The following SMARCD3 variants were observed in gnomAD, a reference collection of about 807,000 sequenced individuals.
The protein encoded by SMARCD3 is SWI/SNF related BAF chromatin remodeling complex subunit D3.
SMARCD3 carries 14 observed loss-of-function variants against 58.0 expected under a neutral mutation model. That is an observed-to-expected ratio of 0.24 (90% confidence interval 0.16 to 0.38). The LOEUF (loss-of-function observed/expected upper bound fraction) is 0.38. Ranked by LOEUF, SMARCD3 falls within the 10% of genes least tolerant of loss-of-function variation. The probability of loss-of-function intolerance (pLI) is 1.00; values close to 1 mark genes in which losing one functional copy is unlikely to be tolerated. For missense variants in SMARCD3, 408 were observed against 636.9 expected (o/e 0.64, Z 3.87); for synonymous variants, 253 against 253.8 (o/e 1.00, Z 0.03).
intron 1 of SMARCD3, among the ~76,000 whole-genome samples, chr7:151,276,243 G>C (rs1795337681): frequency 6.6e-6 from 1 of 151,826 alleles, no homozygotes; most frequent in South Asian, 2.1e-4. Context: ...GACAGAGAAG[G>C]TGCCAGGCAG....
At position 151,239,105 on chromosome 7, in the gene SMARCD3, A is replaced by G; in HGVS notation, c.1450T>C (p.Ter484GlnextTer?). The change falls in exon 13 of 13, where the codon TAG becomes CAG. Residue 484 changes from the stop codon to glutamine, a stop_lost. Coordinates refer to ENST00000262188, the MANE Select transcript of SMARCD3 (RefSeq NM_001003801.2). The surrounding 1 kb of genome is among the most constrained non-coding windows in gnomAD (Gnocchi z 7.0). ...TCGTGCTGCTTATTTTTGGGCTCCT[A>G]GGTGTTGCGCACAACCAGCGACTGC... ...LEQSLVVRNT[*>Q] 1 of 1,614,060 alleles carries G rather than the reference A, an allele frequency of 6.2e-7. No individual in the cohort carries two copies. The highest frequency in any genetic ancestry group is 2.2e-5 in the East Asian group (1 of 44,872).
chr7:151,243,625 G>A lies in SMARCD3; in HGVS notation c.333+34C>T, dbSNP rs758739032. ...GGAGGGCGGAGCAGCAAAGGGTGGGGGGTGGGCTGGGGGCTGCTGTGAAAG... is the reference window on the plus strand; with the variant it reads ...GGAGGGCGGAGCAGCAAAGGGTGGGAGGTGGGCTGGGGGCTGCTGTGAAAG... On this transcript the variant is annotated intron_variant, in intron 3 of 12. Transcript: ENST00000262188. The surrounding 1 kb of genome is among the most constrained non-coding windows in gnomAD (Gnocchi z 4.4). 2.2e-5 allele frequency: 26 copies of A among 1,187,702 alleles called. No individual in the cohort carries two copies. The highest frequency in any genetic ancestry group is 2.8e-5 in the Non-Finnish European group (22 of 792,256). The allele number at this position is 1,187,702 out of a possible 1,614,324, so 73.6% of individuals were successfully genotyped here.
At chr7:151,248,794 A>G, upstream of SMARCD3, 3 of 632,972 alleles carry the variant, frequency 4.7e-6, no homozygotes, top group Non-Finnish European at 6.1e-6. The surrounding 1 kb of genome is among the most constrained non-coding windows in gnomAD (Gnocchi z 6.1). Flanking sequence ...GCATTCCTGC[A>G]CTGATAAGAC....
Position 151,239,822 on chromosome 7 carries a change from AG to A in SMARCD3, c.1174-77del, listed in dbSNP as rs1802866138. 2.2e-6 allele frequency: 2 copies of A among 907,468 alleles called. No homozygotes were observed. The highest frequency in any genetic ancestry group is 3.2e-5 in the East Asian group (1 of 30,996). 56.2% of individuals were successfully genotyped at this position (907,468 alleles called of 1,614,324 possible). On this transcript the variant is annotated intron_variant, in intron 10 of 12. Transcript: ENST00000262188. This position sits in a 1 kb window ranked among gnomAD's most constrained non-coding sequence, Gnocchi z 7.0. ...ACGAGGGGAAAGGAAGCGGGTGGGA[AG>A]GGGAGGGAGAGGGGGTTTCTTCTGT...
Position 151,256,568 on chromosome 7 carries a change from A to G in SMARCD3, c.40-10897T>C, listed in dbSNP as rs116471993. ...TGAATGTGGCCAGAGAAAGACACAC[A>G]GCCACCCCACCCGGTCTCATTGTGG... On this transcript the variant is annotated intron_variant, in intron 2 of 13. Coordinates refer to the SMARCD3 transcript ENST00000356800. Among the ~76,000 whole-genome samples, 656 of 152,208 alleles carry G rather than the reference A, an allele frequency of 4.3e-3. 10 individuals carry two copies. The highest frequency in any genetic ancestry group is 0.015 in the African/African-American group (631 of 41,538).
intron 2 of SMARCD3, among the ~76,000 whole-genome samples, chr7:151,255,884 C>CT (rs34508011): frequency 0.079 from 11,542 of 145,358 alleles, 579 homozygotes; most frequent in Non-Finnish European, 0.11. Flanking sequence ...CTTGCATGTA[C>CT]TTTTTTTTTT....
chr7:151,264,152 G>A (rs1304070298), intron 2 of SMARCD3, among the ~76,000 whole-genome samples: 4 of 150,064 alleles, frequency 2.7e-5, no homozygotes, highest in Non-Finnish European at 5.9e-5. Flanking sequence ...TCTGCCTCCC[G>A]GGTTCAAGCG....
At chr7:151,251,778 T>C (rs1157360728), upstream of SMARCD3, among the ~76,000 whole-genome samples, 1 of 151,588 alleles carries the variant, frequency 6.6e-6, no homozygotes, top group African/African-American at 2.4e-5. Flanking sequence ...CTTCCCTCGC[T>C]GAAGCACCAC....
chr7:151,239,614 C>T lies in SMARCD3; in HGVS notation c.1296+10G>A, dbSNP rs1328347534. The T allele has an allele frequency of 6.2e-7, 1 of 1,613,964 alleles. No individual in the cohort carries two copies. The highest frequency in any genetic ancestry group is 1.7e-5 in the Admixed American group (1 of 59,998). On this transcript the variant is annotated intron_variant, in intron 11 of 12. Coordinates refer to ENST00000262188, the MANE Select transcript of SMARCD3 (RefSeq NM_001003801.2). The surrounding 1 kb of genome is among the most constrained non-coding windows in gnomAD (Gnocchi z 7.0). ...TTCCACTCCAGTACTCCCTGAGTCTCCCTCTTCACCTTGAGGTCCCGGCTC... is the reference window on the plus strand; with the variant it reads ...TTCCACTCCAGTACTCCCTGAGTCTTCCTCTTCACCTTGAGGTCCCGGCTC...
At position 151,260,563 on chromosome 7, in the gene SMARCD3, A is replaced by T. The variant is rs545169184; in HGVS notation, c.39+14551T>A. Among the ~76,000 whole-genome samples, 5 of 152,262 alleles carry T rather than the reference A, an allele frequency of 3.3e-5. No homozygotes were observed. The East Asian group carries it at 9.7e-4, about 29-fold the overall frequency. On this transcript the variant is annotated intron_variant, in intron 2 of 13. Transcript: ENST00000356800. ...TGCTCCTCTGGCTTCTGTGGTCCTC[A>T]CAACCAAGTGTAACTCCTGTGCGAC...
chr7:151,240,693 A>G (rs1802939783), intron 8 of SMARCD3, 171 bp from the exon 9 acceptor site: 1 of 458,894 alleles, frequency 2.2e-6, no homozygotes, highest in East Asian at 4.2e-5. Context: ...AGCCACCGGT[A>G]TGGCTGACAA....
rs371101131 is a variant in SMARCD3 at position 151,246,591 on chromosome 7, CA to C, written c.79-921del. ...CTTCCTGTCTGCCCAGGTCAGCAGC[CA>C]CCTCCTCCTCTTCCCATCCCCACCC... On this transcript the variant is annotated intron_variant, in intron 1 of 12. Transcript: ENST00000262188. The surrounding 1 kb of genome is among the most constrained non-coding windows in gnomAD (Gnocchi z 4.4). 1.2e-3 allele frequency among the ~76,000 whole-genome samples: 180 copies of C among 152,270 alleles called. 1 individual carries two copies. In the South Asian group the frequency reaches 0.024, roughly 20 times the overall value.
upstream of SMARCD3, among the ~76,000 whole-genome samples, chr7:151,250,393 C>T (rs928761940): frequency 6.6e-6 from 1 of 151,862 alleles, no homozygotes; most frequent in African/African-American, 2.4e-5. Flanking sequence ...GGGTGGCCTG[C>T]CTCTGTCTGC....
rs763273600 is a variant in SMARCD3 at position 151,243,659 on chromosome 7, C to T, written c.333G>A (p.Arg111=). The T allele has an allele frequency of 6.2e-7, 1 of 1,603,138 alleles. No homozygotes were observed. The highest frequency in any genetic ancestry group is 8.5e-7 in the Non-Finnish European group (1 of 1,170,146). Residue 111 remains arginine (R), a splice_region_variant and synonymous_variant, in exon 3 of 13, where the codon AGG becomes AGA. Coordinates refer to ENST00000262188, the MANE Select transcript of SMARCD3 (RefSeq NM_001003801.2). This position sits in a 1 kb window ranked among gnomAD's most constrained non-coding sequence, Gnocchi z 4.4. ...RKMADKILPQ[R]IRELVPESQA... is the part of the protein sequence containing the mutation. The stretch of plus-strand genomic sequence containing the variant: ...GGGGGCTGCTGTGAAAGGCACTCAC[C>T]CTTTGAGGGAGGATTTTGTCAGCCA...
At chr7:151,271,758 CTAGGAAA>C (rs1341106503) in intron 2 of SMARCD3, among the ~76,000 whole-genome samples, 6 of 151,922 alleles carry the variant, frequency 3.9e-5, no homozygotes, top group Non-Finnish European at 8.8e-5. Context: ...TGAGACCAGC[CTAGGAAA>C]TATAGTGAGA....
At position 151,242,157 on chromosome 7, in the gene SMARCD3, G is replaced by A; in HGVS notation, c.655C>T (p.Pro219Ser). ...CTTACCTCAACGAGGTGGTTGTCAG[G>A]GCCATAAAGATCTTTGTCCAGCTCG... ...VIELDKDLYGPDNHLVEWHRT... is the reference protein window; with the variant it reads ...VIELDKDLYGSDNHLVEWHRT... The change falls in exon 6 of 13, where the codon CCT becomes TCT. Residue 219 changes from proline to serine, a missense_variant. Pro to Ser is a moderately conservative substitution (Grantham distance 74). Coordinates refer to ENST00000262188, the MANE Select transcript of SMARCD3 (RefSeq NM_001003801.2). This position sits in a 1 kb window ranked among gnomAD's most constrained non-coding sequence, Gnocchi z 4.7. 1 of 1,613,388 alleles carries A rather than the reference G, an allele frequency of 6.2e-7. No individual in the cohort carries two copies. The highest frequency in any genetic ancestry group is 8.5e-7 in the Non-Finnish European group (1 of 1,179,340).
chr7:151,260,388 G>A (rs80201289), intron 2 of SMARCD3, among the ~76,000 whole-genome samples: 4,345 of 152,210 alleles, frequency 0.029, 90 homozygotes, highest in Non-Finnish European at 0.042. Flanking sequence ...GAAACATTGG[G>A]AATACAAATT....
chr7:151,249,982 G>C (rs115036792), upstream of SMARCD3, among the ~76,000 whole-genome samples: 1,736 of 152,200 alleles, frequency 0.011, 30 homozygotes, highest in African/African-American at 0.036. The surrounding 1 kb of genome is among the most constrained non-coding windows in gnomAD (Gnocchi z 4.8). Context: ...AAGTTTGGGG[G>C]TCTGCTGGGG....
At position 151,241,290 on chromosome 7, in the gene SMARCD3, T is replaced by C; in HGVS notation, c.939+202A>G. 1 of 627,078 alleles carries C rather than the reference T, an allele frequency of 1.6e-6. No individual in the cohort carries two copies. 38.8% of individuals were successfully genotyped at this position (627,078 alleles called of 1,614,324 possible). On this transcript the variant is annotated intron_variant, in intron 8 of 12. Transcript: ENST00000262188. The surrounding 1 kb of genome is among the most constrained non-coding windows in gnomAD (Gnocchi z 5.3). ...CCTAACTTGGGGGGGCTAACATGGA[T>C]TGGCTGCAGCACAGAGCTAATCCAC...
Sources: allele counts gnomAD v4.1 joint callset (sites outside exome capture counted in the v4.1 genomes callset), GRCh38; gene constraint gnomAD v4.1.1; non-coding constraint Gnocchi (gnomAD v3.1); transcripts MANE v1.5; gene names NCBI Gene and HGNC (gene_info 2026-07-23, HGNC 2026-07-21).